The following SLA variants were observed in gnomAD, a reference collection of about 807,000 sequenced individuals.
The protein encoded by SLA is Src like adaptor, also known as src-like-adapter.
Under a neutral mutation model 30.3 loss-of-function variants are expected in SLA, and 16 were observed. That is an observed-to-expected ratio of 0.53 (90% CI 0.36 to 0.80). The LOEUF is 0.80. Among genes scored for constraint, SLA ranks in the 30% least tolerant of loss-of-function variants. The probability of loss-of-function intolerance (pLI) is 0.01; values close to 1 mark genes in which losing one functional copy is unlikely to be tolerated. For synonymous variants in SLA, 143 were observed against 137.8 expected (o/e 1.04, Z -0.26); for missense variants, 310 against 345.2 (o/e 0.90, Z 0.81).
chr8:133,102,554 G>C lies in SLA; in HGVS notation c.-320C>G. ...ATGACAGCAAAGTTAGCAACCTACC[G>C]GTGGAGCATCAGGGCTGCCTGAGAT... On this transcript the variant is annotated splice_region_variant and 5_prime_UTR_variant, in exon 1 of 9. Transcript: ENST00000338087. 2 of 1,551,552 alleles carry C rather than the reference G, an allele frequency of 1.3e-6. No homozygotes were observed. Among genetic ancestry groups the C allele is most frequent in the Non-Finnish European group, 1.7e-6 (2 of 1,146,870 alleles).
intron 1 of SLA, among the ~76,000 whole-genome samples, chr8:133,092,638 G>A (rs1481081406): frequency 6.6e-6 from 1 of 152,156 alleles, no homozygotes; most frequent in African/African-American, 2.4e-5. Flanking sequence ...CATCACAGAT[G>A]GTCACTTGCC....
intron 3 of SLA, 93 bp downstream of exon 3, chr8:133,060,007 T>C: frequency 7.5e-7 from 1 of 1,330,636 alleles, no homozygotes; most frequent in Non-Finnish European, 1.0e-6. Context: ...CATTGCCCCA[T>C]TTAAGTAGTT....
At chr8:133,042,297 C>T (rs1419189201) in intron 7 of SLA, among the ~76,000 whole-genome samples, 1 of 152,174 alleles carries the variant, frequency 6.6e-6, no homozygotes, top group Non-Finnish European at 1.5e-5. Context: ...CTACATGGCT[C>T]ATCAGAATGC....
At chr8:133,095,118 G>A in intron 1 of SLA, 1 of 1,614,240 alleles carries the variant, frequency 6.2e-7, no homozygotes, top group Non-Finnish European at 8.5e-7. Flanking sequence ...CTTTGGCAAA[G>A]GAGGTCAGTT....
intron 7 of SLA, among the ~76,000 whole-genome samples, chr8:133,042,989 T>C (rs537233424): frequency 6.6e-6 from 1 of 152,126 alleles, no homozygotes; most frequent in African/African-American, 2.4e-5. Flanking sequence ...CCACCATGCC[T>C]GGCCCATCTG....
At chr8:133,095,550 C>G (rs530553497) in intron 1 of SLA, among the ~76,000 whole-genome samples, 1 of 152,192 alleles carries the variant, frequency 6.6e-6, no homozygotes, top group Non-Finnish European at 1.5e-5. Context: ...GGGCAGGGGA[C>G]CAAACCCTTA....
intron 1 of SLA, among the ~76,000 whole-genome samples, chr8:133,101,361 A>C (rs1362553490): frequency 6.6e-6 from 1 of 152,108 alleles, no homozygotes; most frequent in Non-Finnish European, 1.5e-5. Flanking sequence ...GCCCACTCCC[A>C]ACCTGAATTT....
At chr8:133,052,834 G>T (rs1035121350) in intron 3 of SLA, among the ~76,000 whole-genome samples, 18 of 152,224 alleles carry the variant, frequency 1.2e-4, no homozygotes, top group Non-Finnish European at 2.5e-4. Flanking sequence ...TGGCAAATCT[G>T]CCCAGAAGCT....
intron 1 of SLA, among the ~76,000 whole-genome samples, chr8:133,081,724 TA>T (rs33935978): frequency 0.21 from 31,850 of 152,166 alleles, 3,651 homozygotes; most frequent in Non-Finnish European, 0.26. Flanking sequence ...GGGGAGATCT[TA>T]CTGTTCTCAG....
intron 2 of SLA, chr8:133,072,846 G>A (rs991215423): frequency 3.3e-5 from 5 of 152,110 alleles, no homozygotes; most frequent in Admixed American, 1.3e-4. Context: ...TGTCTGTTTC[G>A]TTTATATCAG....
intron 1 of SLA, among the ~76,000 whole-genome samples, chr8:133,082,349 C>T (rs147630164): frequency 2.4e-4 from 36 of 152,184 alleles, no homozygotes; most frequent in Middle Eastern, 3.4e-3. Context: ...ACTGGAAAGA[C>T]GGAGGAAAAG....
At chr8:133,047,711 C>T (rs145919134) in intron 6 of SLA, 119 bp downstream of exon 6, 2 of 729,676 alleles carry the variant, frequency 2.7e-6, no homozygotes, top group African/African-American at 1.7e-5. Flanking sequence ...AGCTTAACTA[C>T]ATTGGATCAA....
chr8:133,072,369 G>A (rs1844190529), intron 2 of SLA, among the ~76,000 whole-genome samples: 2 of 152,244 alleles, frequency 1.3e-5, no homozygotes, highest in Admixed American at 1.3e-4. Context: ...TAGGGAGATT[G>A]AGAGAGGGAG....
At chr8:133,068,326 C>A (rs1843409982) in intron 2 of SLA, among the ~76,000 whole-genome samples, 1 of 152,164 alleles carries the variant, frequency 6.6e-6, no homozygotes, top group Admixed American at 6.5e-5. Flanking sequence ...CCCTTGAGTG[C>A]CCAGGAGGGG....
intron 1 of SLA, among the ~76,000 whole-genome samples, chr8:133,083,877 G>T (rs1410404947): frequency 6.6e-6 from 1 of 152,072 alleles, no homozygotes; most frequent in African/African-American, 2.4e-5. Context: ...TGGTCCCTCT[G>T]CACCCAGTGG....
Position 133,075,090 on chromosome 8 carries a change from G to A in SLA, c.-278C>T, listed in dbSNP as rs1282966472. ...AGGGCTTGCAGAAGGGCAGGTTCCT[G>A]TTTTCAGTAACCACTCTGAGCAAGC... On this transcript the variant is annotated 5_prime_UTR_variant, in exon 2 of 9. Coordinates refer to ENST00000338087, the MANE Select transcript of SLA (RefSeq NM_001045556.3). 7.8e-5 allele frequency: 77 copies of A among 985,314 alleles called. No individual in the cohort carries two copies. The highest frequency in any genetic ancestry group is 9.3e-5 in the Non-Finnish European group (77 of 829,928). 61.0% of individuals were successfully genotyped at this position (985,314 alleles called of 1,614,324 possible).
chr8:133,072,406 A>G (rs906892487), intron 2 of SLA, among the ~76,000 whole-genome samples: 3 of 152,200 alleles, frequency 2.0e-5, no homozygotes, highest in Non-Finnish European at 2.9e-5. Flanking sequence ...TGTGACCTCA[A>G]TGGATATTTT....
rs1837318159 is a variant in SLA at position 133,037,571 on chromosome 8, A to G, written c.*953T>C. The G allele has an allele frequency of 6.6e-6, 1 of 150,886 alleles. No individual in the cohort carries two copies. Among genetic ancestry groups the G allele is most frequent in the African/African-American group, 2.4e-5 (1 of 40,916 alleles). The allele number at this position is 150,886 out of a possible 1,614,324, so 9.3% of individuals were successfully genotyped here. On this transcript the variant is annotated 3_prime_UTR_variant, in exon 9 of 9. Coordinates refer to ENST00000338087, the MANE Select transcript of SLA (RefSeq NM_001045556.3). ...CATGAGCTGATTTCTCTTTTTACAC[A>G]TTTGTTTATACATTTTTTCCCTGTC...
At chr8:133,100,973 G>A (rs35601099) in intron 1 of SLA, among the ~76,000 whole-genome samples, 24,109 of 151,976 alleles carry the variant, frequency 0.16, 2,372 homozygotes, top group Non-Finnish European at 0.21. Context: ...TTTTTTTCTG[G>A]GAAAGAAAGG....
Sources: allele counts gnomAD v4.1 joint callset (sites outside exome capture counted in the v4.1 genomes callset), GRCh38; gene constraint gnomAD v4.1.1; transcripts MANE v1.5; gene names NCBI Gene and HGNC (gene_info 2026-07-23, HGNC 2026-07-21).